The following CALU variants were observed in gnomAD, a reference collection of about 807,000 sequenced individuals.
The protein encoded by CALU is calumenin, also known as IEF SSP 9302.
In CALU, 13 loss-of-function variants were observed where a neutral mutation model predicts 37.5. The ratio of observed to expected loss-of-function variants is 0.35; its 90% CI spans 0.23 to 0.55. The LOEUF is 0.55. CALU is among the 20% of genes least tolerant of loss of function. The pLI, the probability that CALU is intolerant of heterozygous loss-of-function variation, is 0.89. For synonymous variants in CALU, 114 were observed against 133.8 expected (o/e 0.85, Z 1.02); for missense variants, 282 against 391.7 (o/e 0.72, Z 2.36).
intron 2 of CALU, among the ~76,000 whole-genome samples, chr7:128,751,826 C>T (rs1174735161): frequency 6.6e-6 from 1 of 152,162 alleles, no homozygotes; most frequent in Non-Finnish European, 1.5e-5. Flanking sequence ...AATTCTTAAA[C>T]AACTGAAGGG....
intron 1 of CALU, among the ~76,000 whole-genome samples, chr7:128,742,485 C>T (rs934087655): frequency 2.6e-5 from 4 of 152,178 alleles, no homozygotes; most frequent in South Asian, 4.1e-4. Flanking sequence ...TCAGTGTTAA[C>T]GTTCTTGTGA....
chr7:128,767,351 G>T, intron 5 of CALU, 105 bp from the exon 6 acceptor site: 2 of 851,724 alleles, frequency 2.3e-6, no homozygotes, highest in Non-Finnish European at 4.0e-6. Context: ...AGCTGCTGTT[G>T]GGTTCCAAAC....
At chr7:128,754,120 A>AT in intron 2 of CALU, 142 bp from the exon 3 acceptor site, 3 of 640,432 alleles carry the variant, frequency 4.7e-6, no homozygotes, top group South Asian at 4.1e-5. Flanking sequence ...GTAATGGACC[A>AT]TTTTTTTCAG....
intron 1 of CALU, among the ~76,000 whole-genome samples, chr7:128,740,997 T>C (rs970957460): frequency 2.6e-5 from 4 of 152,228 alleles, no homozygotes; most frequent in African/African-American, 9.6e-5. Flanking sequence ...GCCTCCCAAG[T>C]AGCTGAGACT....
intron 4 of CALU, 105 bp from the exon 5 acceptor site, chr7:128,759,687 G>C: frequency 1.4e-6 from 1 of 692,950 alleles, no homozygotes; most frequent in Non-Finnish European, 2.6e-6. Context: ...ACATGTACAA[G>C]TGTGTTTAAT....
intron 5 of CALU, among the ~76,000 whole-genome samples, chr7:128,762,307 A>G (rs1163391807): frequency 6.6e-6 from 1 of 151,820 alleles, no homozygotes; most frequent in African/African-American, 2.4e-5. Flanking sequence ...TGTGTATCAT[A>G]TAGATTCAAG....
intron 2 of CALU, among the ~76,000 whole-genome samples, chr7:128,752,703 G>C (rs1800723422): frequency 6.6e-6 from 1 of 151,848 alleles, no homozygotes; most frequent in Non-Finnish European, 1.5e-5. Flanking sequence ...TTTTTTTTCT[G>C]AGACGAAGTC....
In CALU at chr7:128,758,894, T is replaced by C. The variant is rs778534002; in HGVS notation, c.439T>C (p.Phe147Leu). 1 of 1,613,596 alleles carries C rather than the reference T, an allele frequency of 6.2e-7. No homozygotes were observed. Among genetic ancestry groups the C allele is most frequent in the Non-Finnish European group, 8.5e-7 (1 of 1,179,678 alleles). ...AGATGATCCAGATCCTGATGATGGA[T>C]TTAACTATAAACAGATGATGGTTAG... Reference protein sequence around the residue: ...VLDDPDPDDGFNYKQMMVRDE... With the variant: ...VLDDPDPDDGLNYKQMMVRDE... The change falls in exon 4 of 7, where the codon TTT becomes CTT. Residue 147 changes from phenylalanine (F) to leucine (L), a missense_variant. Transcript: ENST00000249364.
At chr7:128,746,956 G>C (rs576522968) in intron 1 of CALU, among the ~76,000 whole-genome samples, 13 of 152,082 alleles carry the variant, frequency 8.5e-5, no homozygotes, top group South Asian at 2.1e-4. Flanking sequence ...TTGTAGTAGA[G>C]ACGGGGTTTT....
At position 128,768,975 on chromosome 7, in the gene CALU, G is replaced by C. The variant is rs983922581; in HGVS notation, c.844-88G>C. Reference sequence around the variant, plus strand: ...AGTAGAAATGAGAATCTTAACTTCTGATTAACCCCAATTCTTCTATAACAG... The same window carrying C: ...AGTAGAAATGAGAATCTTAACTTCTCATTAACCCCAATTCTTCTATAACAG... On this transcript the variant is annotated intron_variant, in intron 6 of 6. Coordinates refer to ENST00000249364, the MANE Select transcript of CALU (RefSeq NM_001219.5). The C allele has an allele frequency of 3.6e-5, 26 of 727,234 alleles. No individual in the cohort carries two copies. In the African/African-American group the frequency reaches 3.7e-4, roughly 10 times the overall value. The allele number at this position is 727,234 out of a possible 1,614,324, so 45.0% of individuals were successfully genotyped here. A position where few individuals can be genotyped will look rare whatever the true frequency, so the allele number is the denominator to read the frequency against.
chr7:128,744,359 A>G (rs1800352782), intron 1 of CALU, among the ~76,000 whole-genome samples: 1 of 152,020 alleles, frequency 6.6e-6, no homozygotes, highest in African/African-American at 2.4e-5. Context: ...ACCAAAAACC[A>G]TATGGTTTTA....
Position 128,772,488 on chromosome 7 carries a change from C to T in CALU, c.*3321C>T. 1 of 1,611,796 alleles carries T rather than the reference C, an allele frequency of 6.2e-7. No homozygotes were observed. The highest frequency in any genetic ancestry group is 2.2e-5 in the East Asian group (1 of 44,822). ...TTCTGACGGAGACAATAGAAACTTA[C>T]TTAAAAGTAAAATTTAATTCTAGCT... On this transcript the variant is annotated 3_prime_UTR_variant, in exon 7 of 7. Transcript: ENST00000249364.
chr7:128,744,501 TG>T, intron 1 of CALU, among the ~76,000 whole-genome samples: 1 of 152,112 alleles, frequency 6.6e-6, no homozygotes, highest in East Asian at 1.9e-4. Flanking sequence ...AAGGACGTTT[TG>T]TTTTTTTTTA....
Position 128,756,873 on chromosome 7 carries a change from C to T in CALU, c.416-1998C>T, listed in dbSNP as rs528949459. Among the ~76,000 whole-genome samples, 5 of 152,162 alleles carry T rather than the reference C, an allele frequency of 3.3e-5. No individual in the cohort carries two copies. In the East Asian group the frequency reaches 5.8e-4, roughly 18 times the overall value. On this transcript the variant is annotated intron_variant, in intron 3 of 6. Coordinates refer to ENST00000249364, the MANE Select transcript of CALU (RefSeq NM_001219.5). ...GAAAGGTTGCTTGAGTCCGGGAATTCGCGACCAGCCAGGGCAACAAAGCCA... is the reference window on the plus strand; with the variant it reads ...GAAAGGTTGCTTGAGTCCGGGAATTTGCGACCAGCCAGGGCAACAAAGCCA...
Position 128,770,931 on chromosome 7 carries a change from C to A in CALU, c.*1764C>A, listed in dbSNP as rs1387372280. Reference sequence around the variant, plus strand: ...TTCCACAGTCATGTTGAGGTGGGCTCCCTGGTATGGTAAAAAGCCAGGTAT... The same window carrying A: ...TTCCACAGTCATGTTGAGGTGGGCTACCTGGTATGGTAAAAAGCCAGGTAT... On this transcript the variant is annotated 3_prime_UTR_variant, in exon 7 of 7. Coordinates refer to ENST00000249364, the MANE Select transcript of CALU (RefSeq NM_001219.5). The A allele has an allele frequency of 6.6e-6, 1 of 152,558 alleles. No homozygotes were observed. Among genetic ancestry groups the A allele is most frequent in the Middle Eastern group, 3.2e-3 (1 of 316 alleles). 9.5% of individuals were successfully genotyped at this position (152,558 alleles called of 1,614,324 possible).
intron 1 of CALU, among the ~76,000 whole-genome samples, chr7:128,743,122 C>T (rs1423680806): frequency 6.6e-6 from 1 of 151,866 alleles, no homozygotes; most frequent in East Asian, 1.9e-4. Context: ...TCACATGTGG[C>T]TAGTGGCTAC....
At position 128,772,590 on chromosome 7, in the gene CALU, G is replaced by T. The variant is rs1315875835; in HGVS notation, c.*3423G>T. 6.2e-7 allele frequency: 1 copy of T among 1,614,078 alleles called. No homozygotes were observed. Among genetic ancestry groups the T allele is most frequent in the Non-Finnish European group, 8.5e-7 (1 of 1,180,028 alleles). On this transcript the variant is annotated 3_prime_UTR_variant, in exon 7 of 7. Coordinates refer to ENST00000249364, the MANE Select transcript of CALU (RefSeq NM_001219.5). The stretch of plus-strand genomic sequence containing the variant: ...GAGACAGTAGAAACTTCTGTTTTCT[G>T]GGAGCTGCATGTGTCGGATTCATCT...
chr7:128,751,286 C>CAAA (rs34162068), intron 2 of CALU, among the ~76,000 whole-genome samples: 8 of 104,314 alleles, frequency 7.7e-5, no homozygotes, highest in African/African-American at 1.0e-4. Flanking sequence ...GACTCCGTCT[C>CAAA]AAAAAAAAAA....
intron 3 of CALU, among the ~76,000 whole-genome samples, chr7:128,757,358 AGTGTGTGTGTGTGT>A (rs10638444): frequency 1.4e-5 from 2 of 146,182 alleles, no homozygotes; most frequent in South Asian, 2.2e-4. Context: ...TATGGCTTTG[AGTGTGTGTGTGTGT>A]GTGTGTGTGT....
Sources: gnomAD v4.1 joint callset for allele counts (sites outside exome capture counted in the v4.1 genomes callset) on GRCh38, gnomAD v4.1.1 for gene constraint, MANE v1.5 for transcripts, NCBI Gene and HGNC (gene_info 2026-07-23, HGNC 2026-07-21) for gene names.